GRM7: variants seen among roughly 807,000 people sequenced by gnomAD.
The protein encoded by GRM7 is glutamate metabotropic receptor 7, also known as metabotropic glutamate receptor 7.
A neutral mutation model predicts 84.5 loss-of-function variants in GRM7; 35 were observed. The ratio of observed to expected loss-of-function variants is 0.41; its 90% CI spans 0.32 to 0.55. The LOEUF is 0.55. GRM7 is among the 20% of genes least tolerant of loss of function. The probability of loss-of-function intolerance (pLI) is 0.19; values close to 1 mark genes in which losing one functional copy is unlikely to be tolerated. For synonymous variants in GRM7, 487 were observed against 455.1 expected, an observed-to-expected ratio of 1.07 and a Z score of -0.89; for missense variants, 1,003 against 1,194.6, an observed-to-expected ratio of 0.84 and a Z score of 2.36.
chr3:6,995,114 C>T (rs1694785679), intron 1 of GRM7, among the ~76,000 whole-genome samples: 1 of 152,214 alleles, frequency 6.6e-6, no homozygotes, highest in Non-Finnish European at 1.5e-5. Flanking sequence ...GTGACTTATT[C>T]ATCCCTGATC....
intron 4 of GRM7, among the ~76,000 whole-genome samples, chr3:7,409,525 C>A (rs1695824603): frequency 6.6e-6 from 1 of 152,088 alleles, no homozygotes; most frequent in Admixed American, 6.6e-5. Context: ...TGGATGATCT[C>A]TCTGTGTAAA....
chr3:7,141,626 ATGT>A (rs1163073295), intron 1 of GRM7, among the ~76,000 whole-genome samples: 1 of 152,072 alleles, frequency 6.6e-6, no homozygotes, highest in African/African-American at 2.4e-5. Context: ...ATCCATGATC[ATGT>A]TTAAAAGGAC....
chr3:7,387,785 T>C (rs1205640757), intron 4 of GRM7, among the ~76,000 whole-genome samples: 1 of 152,108 alleles, frequency 6.6e-6, no homozygotes, highest in Admixed American at 6.6e-5. Flanking sequence ...TTTTTGGTTT[T>C]ATATGAATTT....
chr3:7,095,365 C>T (rs925596388), intron 1 of GRM7, among the ~76,000 whole-genome samples: 1 of 152,146 alleles, frequency 6.6e-6, no homozygotes, highest in Middle Eastern at 3.2e-3. Flanking sequence ...AAGCATCCCT[C>T]TTTGGAATGA....
chr3:6,979,622 C>A (rs1336953702), intron 1 of GRM7, among the ~76,000 whole-genome samples: 12 of 152,126 alleles, frequency 7.9e-5, no homozygotes, highest in Non-Finnish European at 4.4e-5. Context: ...TACAAGATTA[C>A]AATTTTTACA....
At chr3:7,650,737 A>AGAT (rs1418161013) in intron 8 of GRM7, among the ~76,000 whole-genome samples, 1 of 152,158 alleles carries the variant, frequency 6.6e-6, no homozygotes, top group Non-Finnish European at 1.5e-5. Context: ...ATTTATTTAG[A>AGAT]GATGGAGTCT....
In GRM7 at chr3:6,916,618, G is replaced by A. The variant is rs1516571; in HGVS notation, c.519+54711G>A. On this transcript the variant is annotated intron_variant, in intron 1 of 9. Coordinates refer to ENST00000357716, the MANE Select transcript of GRM7 (RefSeq NM_000844.4). ...TCTATGTGTCCTCACATGGTGGAAG[G>A]GGGGAACAAGCTGCCTCAGTCCTCT... is the stretch of plus-strand genomic sequence containing the variant. 7.7e-3 allele frequency among the ~76,000 whole-genome samples: 1,168 copies of A among 152,146 alleles called. 13 individuals are homozygous for A. Among genetic ancestry groups the A allele is most frequent in the African/African-American group, 0.027 (1,109 of 41,518 alleles).
chr3:6,990,946 A>G (rs1455622119), intron 1 of GRM7, among the ~76,000 whole-genome samples: 1 of 152,082 alleles, frequency 6.6e-6, no homozygotes, highest in Non-Finnish European at 1.5e-5. Flanking sequence ...GTAGGAGCCT[A>G]TAGTCCCAGC....
intron 8 of GRM7, among the ~76,000 whole-genome samples, chr3:7,614,099 A>C (rs1696972449): frequency 6.6e-6 from 1 of 152,084 alleles, no homozygotes; most frequent in African/African-American, 2.4e-5. Context: ...CTCCGTCTCT[A>C]CTAAGAACTA....
intron 2 of GRM7, among the ~76,000 whole-genome samples, chr3:7,282,931 G>C (rs900159310): frequency 1.3e-5 from 2 of 152,156 alleles, no homozygotes; most frequent in African/African-American, 4.8e-5. Context: ...TTAACCAACA[G>C]TGGAGCCCTC....
Position 7,298,699 on chromosome 3 carries a change from C to T in GRM7, c.752C>T (p.Ala251Val). Residue 251 changes from alanine (A) to valine (V), a missense_variant, in exon 3 of 10, where the codon GCC becomes GTC. Around this residue, in one of 2 missense-constraint regions of GRM7, gnomAD observed 910 missense variants for 1,126.0 expected, o/e 0.81. Transcript: ENST00000357716. The stretch of plus-strand genomic sequence containing the variant: ...TCTTAAACAGGTGGACTCTGCATTG[C>T]CCAGTCCGTGAGAATCCCCCAGGAA... Reference protein sequence around the residue: ...ISKEAGGLCIAQSVRIPQERK... With the variant: ...ISKEAGGLCIVQSVRIPQERK... 6.2e-7 allele frequency: 1 copy of T among 1,613,268 alleles called. No individual in the cohort carries two copies. Among genetic ancestry groups the T allele is most frequent in the African/African-American group, 1.3e-5 (1 of 74,992 alleles).
chr3:7,451,289 A>T (rs1697756896), intron 5 of GRM7, among the ~76,000 whole-genome samples: 1 of 152,186 alleles, frequency 6.6e-6, no homozygotes, highest in Non-Finnish European at 1.5e-5. Context: ...CCAAAGGTAA[A>T]AACAAGAAAA....
At chr3:7,714,412 A>C (rs1701704335) in intron 9 of GRM7, among the ~76,000 whole-genome samples, 1 of 152,206 alleles carries the variant, frequency 6.6e-6, no homozygotes, top group South Asian at 2.1e-4. Flanking sequence ...CAAGAGTGAT[A>C]AACAGAACTT....
At chr3:7,325,571 C>A (rs28368666) in intron 4 of GRM7, among the ~76,000 whole-genome samples, 1 of 151,874 alleles carries the variant, frequency 6.6e-6, no homozygotes, top group Non-Finnish European at 1.5e-5. Flanking sequence ...ATTTAGCAGC[C>A]AACACACTCA....
chr3:7,294,777 C>G (rs983260019), intron 2 of GRM7, among the ~76,000 whole-genome samples: 4 of 152,154 alleles, frequency 2.6e-5, no homozygotes, highest in African/African-American at 9.7e-5. Flanking sequence ...AGGCTTTACA[C>G]AAACTGACTA....
At position 7,452,608 on chromosome 3, in the gene GRM7, A is replaced by G. The variant is rs1462866714; in HGVS notation, c.1176A>G (p.Gly392=). ...TGTGTTTCTTGTTTTAATGTGCAGG[A>G]CAGGAGAGAATTGGAAAAGATTCCA... The part of the protein sequence containing the change: ...KKEDTDRKCT[G]QERIGKDSNY... Residue 392 remains glycine (G), a splice_region_variant and synonymous_variant, in exon 6 of 10, where the codon GGA becomes GGG. Coordinates refer to ENST00000357716, the MANE Select transcript of GRM7 (RefSeq NM_000844.4). 1 of 1,596,438 alleles carries G rather than the reference A, an allele frequency of 6.3e-7. No homozygotes were observed. The highest frequency in any genetic ancestry group is 1.7e-5 in the Admixed American group (1 of 59,928).
At chr3:7,020,064 G>A (rs1221722168) in intron 1 of GRM7, among the ~76,000 whole-genome samples, 1 of 152,146 alleles carries the variant, frequency 6.6e-6, no homozygotes, top group South Asian at 2.1e-4. Context: ...GGCCAGGATG[G>A]TCTTGATCTC....
At chr3:6,944,556 A>T (rs1296853849) in intron 1 of GRM7, among the ~76,000 whole-genome samples, 1 of 152,044 alleles carries the variant, frequency 6.6e-6, no homozygotes, top group Non-Finnish European at 1.5e-5. Flanking sequence ...TCATTTTTAT[A>T]TGTTGTTGGA....
rs1192311715 is a variant in GRM7, at chr3:7,188,613, G to A, written c.736+41945G>A. On this transcript the variant is annotated intron_variant, in intron 2 of 9. Transcript: ENST00000357716. This position sits in a 1 kb window ranked among gnomAD's most constrained non-coding sequence, Gnocchi z 4.2. ...TAATGAGAAAAGATATTGGAATAAA[G>A]GATCTACTTGAGTGTATAAGGGTTG... 6.6e-6 allele frequency among the ~76,000 whole-genome samples: 1 copy of A among 152,140 alleles called. No individual in the cohort carries two copies. The highest frequency in any genetic ancestry group is 1.5e-5 in the Non-Finnish European group (1 of 68,030).
Sources: allele counts gnomAD v4.1 joint callset (sites outside exome capture counted in the v4.1 genomes callset), GRCh38; gene constraint gnomAD v4.1.1; regional missense constraint gnomAD v4.1.1; non-coding constraint Gnocchi (gnomAD v3.1); transcripts MANE v1.5; gene names NCBI Gene and HGNC (gene_info 2026-07-23, HGNC 2026-07-21).